LINGO2: variants seen among roughly 807,000 people sequenced by gnomAD.
LINGO2 encodes leucine rich repeat and Ig domain containing 2.
Under a neutral mutation model 30.6 loss-of-function variants are expected in LINGO2, and 14 were observed. The observed-to-expected ratio is 0.46, with a 90% CI of 0.30 to 0.72. LINGO2 has a LOEUF of 0.72. Among genes scored for constraint, LINGO2 ranks in the 30% least tolerant of loss-of-function variants. The probability of loss-of-function intolerance (pLI) is 0.07; values close to 1 mark genes in which losing one functional copy is unlikely to be tolerated. For synonymous variants in LINGO2, 317 were observed against 288.5 expected, an observed-to-expected ratio of 1.10 and a Z score of -1.00; for missense variants, 729 against 751.7, an observed-to-expected ratio of 0.97 and a Z score of 0.35.
chr9:28,525,208 A>C (rs1050958576), intron 1 of LINGO2, among the ~76,000 whole-genome samples: 20 of 152,182 alleles, frequency 1.3e-4, no homozygotes, highest in Admixed American at 1.2e-3. Context: ...GACAATAACA[A>C]ATGTTTGCAA....
chr9:28,220,948 G>C (rs1587255836), intron 4 of LINGO2, among the ~76,000 whole-genome samples: 1 of 152,140 alleles, frequency 6.6e-6, no homozygotes, highest in African/African-American at 2.4e-5. Flanking sequence ...ATAAATTCAA[G>C]AGATCCATTG....
At chr9:28,954,591 T>G in the LINGO2 span, among the ~76,000 whole-genome samples, 2 of 152,182 alleles carry the variant, frequency 1.3e-5, no homozygotes, top group African/African-American at 4.8e-5. Context: ...TACCTACCAT[T>G]GCCTTTGCAC....
intron 4 of LINGO2, among the ~76,000 whole-genome samples, chr9:28,194,848 G>A (rs1324665729): frequency 6.6e-6 from 1 of 151,844 alleles, no homozygotes; most frequent in Non-Finnish European, 1.5e-5. Flanking sequence ...TTACGATGAA[G>A]GTGCAATGTA....
intron 2 of LINGO2, among the ~76,000 whole-genome samples, chr9:28,428,235 A>T (rs1470134436): frequency 6.6e-6 from 1 of 152,174 alleles, no homozygotes; most frequent in Non-Finnish European, 1.5e-5. Flanking sequence ...TTTGGCTTTT[A>T]TATTTCATCT....
intron 3 of LINGO2, among the ~76,000 whole-genome samples, chr9:28,308,612 A>G (rs1298708545): frequency 6.8e-6 from 1 of 147,634 alleles, no homozygotes. Context: ...GCTTCTGCAC[A>G]GCAAAAGAAA....
At chr9:29,072,894 T>TG in the LINGO2 span, among the ~76,000 whole-genome samples, 1 of 151,610 alleles carries the variant, frequency 6.6e-6, no homozygotes, top group African/African-American at 2.4e-5. Context: ...ATAGGGCATG[T>TG]GCTCCTGCTT....
intron 1 of LINGO2, among the ~76,000 whole-genome samples, chr9:28,580,547 CT>C (rs200873708): frequency 0.096 from 14,567 of 151,878 alleles, 858 homozygotes; most frequent in South Asian, 0.23. Context: ...TGACCACTTG[CT>C]GTTTTTGGTA....
At chr9:28,978,012 T>C in the LINGO2 span, among the ~76,000 whole-genome samples, 1 of 152,172 alleles carries the variant, frequency 6.6e-6, no homozygotes, top group Non-Finnish European at 1.5e-5. Context: ...ATGAAGAAAC[T>C]TATTTTATTC....
intron 1 of LINGO2, among the ~76,000 whole-genome samples, chr9:28,611,906 C>T (rs1395283629): frequency 1.3e-5 from 2 of 151,762 alleles, no homozygotes; most frequent in African/African-American, 2.4e-5. Flanking sequence ...CTGCAAGCTC[C>T]GCCTCCCGGG....
chr9:28,385,826 A>T (rs1821556848), intron 2 of LINGO2, among the ~76,000 whole-genome samples: 2 of 152,168 alleles, frequency 1.3e-5, no homozygotes, highest in African/African-American at 4.8e-5. Context: ...CCAGAGAGAA[A>T]GGAGGGATGG....
intron 4 of LINGO2, among the ~76,000 whole-genome samples, chr9:28,251,453 A>G (rs1822195213): frequency 6.6e-6 from 1 of 152,172 alleles, no homozygotes; most frequent in Admixed American, 6.6e-5. Context: ...AATTTAAGAT[A>G]AACTGTGTGA....
At chr9:29,010,610 A>G in the LINGO2 span, among the ~76,000 whole-genome samples, 1 of 152,230 alleles carries the variant, frequency 6.6e-6, no homozygotes, top group Non-Finnish European at 1.5e-5. Flanking sequence ...AAAATACAAC[A>G]TCAATTTTTT....
chr9:28,469,941 AT>A (rs921528463), intron 2 of LINGO2, among the ~76,000 whole-genome samples: 1 of 152,180 alleles, frequency 6.6e-6, no homozygotes, highest in African/African-American at 2.4e-5. Flanking sequence ...TATTATTGTA[AT>A]TTTGGTTTGT....
At chr9:28,824,598 G>A in the LINGO2 span, among the ~76,000 whole-genome samples, 1 of 152,096 alleles carries the variant, frequency 6.6e-6, no homozygotes, top group Admixed American at 6.6e-5. Flanking sequence ...TGCAGAAAAA[G>A]GCTACAAGGC....
At chr9:28,654,178 T>A (rs1435465979) in intron 1 of LINGO2, among the ~76,000 whole-genome samples, 2 of 152,122 alleles carry the variant, frequency 1.3e-5, no homozygotes, top group Non-Finnish European at 2.9e-5. Flanking sequence ...AATAAGCAGA[T>A]AAATTATGTC....
At chr9:28,453,732 TC>T in intron 2 of LINGO2, among the ~76,000 whole-genome samples, 1 of 152,120 alleles carries the variant, frequency 6.6e-6, no homozygotes, top group East Asian at 1.9e-4. Flanking sequence ...TCATTGATGC[TC>T]CTTTTGCTCA....
intron 2 of LINGO2, among the ~76,000 whole-genome samples, chr9:28,374,079 T>G (rs1821018227): frequency 6.6e-6 from 1 of 151,858 alleles, no homozygotes; most frequent in Non-Finnish European, 1.5e-5. Context: ...AGGTAAGTAA[T>G]AGTATTGTCC....
intron 1 of LINGO2, among the ~76,000 whole-genome samples, chr9:28,561,501 T>G (rs1381186788): frequency 6.7e-6 from 1 of 149,830 alleles, no homozygotes; most frequent in Non-Finnish European, 1.5e-5. Context: ...ATAAAGAACC[T>G]TATATTTATT....
intron 3 of LINGO2, among the ~76,000 whole-genome samples, chr9:28,298,064 C>T (rs920670661): frequency 2.6e-5 from 4 of 152,120 alleles, no homozygotes; most frequent in African/African-American, 9.7e-5. Flanking sequence ...GTACCAATTC[C>T]ATGACATTGG....
Sources: allele counts gnomAD v4.1 joint callset (sites outside exome capture counted in the v4.1 genomes callset), GRCh38; gene constraint gnomAD v4.1.1; transcripts MANE v1.5; gene names NCBI Gene and HGNC (gene_info 2026-07-23, HGNC 2026-07-21).